PDLIM5: variants seen among roughly 807,000 people sequenced by gnomAD.
The protein encoded by PDLIM5 is PDZ and LIM domain protein 5.
Under a neutral mutation model 64.2 loss-of-function variants are expected in PDLIM5, and 34 were observed. The observed-to-expected ratio is 0.53, with a 90% CI of 0.40 to 0.71. The LOEUF (loss-of-function observed/expected upper bound fraction) is 0.71. PDLIM5 is among the 30% of genes least tolerant of loss of function. The probability of loss-of-function intolerance (pLI) is 0.00; values close to 1 mark genes in which losing one functional copy is unlikely to be tolerated. For synonymous variants in PDLIM5, 253 were observed against 269.1 expected (o/e 0.94, Z 0.59); for missense variants, 683 against 733.6 (o/e 0.93, Z 0.80).
chr4:94,644,952 A>G (rs1015996420), intron 9 of PDLIM5, among the ~76,000 whole-genome samples: 13 of 152,060 alleles, frequency 8.5e-5, no homozygotes, highest in African/African-American at 3.1e-4. Flanking sequence ...TTTGGGGAAC[A>G]GGTAGTATTT....
At chr4:94,555,512 T>C (rs1423672631) in intron 3 of PDLIM5, among the ~76,000 whole-genome samples, 1 of 152,260 alleles carries the variant, frequency 6.6e-6, no homozygotes, top group African/African-American at 2.4e-5. Flanking sequence ...ATTTGTCATC[T>C]AGTAGAATTG....
chr4:94,645,259 T>G (rs2110469414), intron 9 of PDLIM5, among the ~76,000 whole-genome samples: 1 of 152,358 alleles, frequency 6.6e-6, no homozygotes, highest in East Asian at 1.9e-4. Flanking sequence ...TTATTCTTTC[T>G]ATGGCTGAGT....
chr4:94,585,086 G>GT lies in PDLIM5; in HGVS notation c.711-472dup, dbSNP rs1243726801. The stretch of plus-strand genomic sequence containing the variant: ...CAGTTTTTTACTTATAATTTAAAAG[G>GT]TTTTTTTGTTTTGTTTTTTTGTGAA... On this transcript the variant is annotated intron_variant, in intron 5 of 12. Transcript: ENST00000317968. 14 of 752,116 alleles carry GT rather than the reference G, an allele frequency of 1.9e-5. No homozygotes were observed. In the East Asian group the frequency reaches 2.9e-4, roughly 15 times the overall value. The allele number at this position is 752,116 out of a possible 1,614,324, so 46.6% of individuals were successfully genotyped here.
At chr4:94,516,213 A>G (rs1169750728) in intron 2 of PDLIM5, among the ~76,000 whole-genome samples, 4 of 152,250 alleles carry the variant, frequency 2.6e-5, no homozygotes, top group African/African-American at 4.8e-5. Context: ...CCATGGCTAC[A>G]TAAGGAAAAG....
chr4:94,491,762 T>A (rs1032223524), intron 2 of PDLIM5, among the ~76,000 whole-genome samples: 15 of 152,152 alleles, frequency 9.9e-5, no homozygotes, highest in Non-Finnish European at 2.2e-4. Flanking sequence ...CCTTCATTTT[T>A]AAATAATATT....
rs1741449572 is a variant in PDLIM5, at chr4:94,646,794, C to A, written c.1283+6344C>A. Among the ~76,000 whole-genome samples the A allele has an allele frequency of 2.0e-5, 3 of 152,288 alleles. No homozygotes were observed. In the South Asian group the frequency reaches 6.2e-4, roughly 32 times the overall value. ...TGGCACCATGGTATATATTTCTAGT[C>A]TACCCCGTGCTCACACCCGAATGAT... On this transcript the variant is annotated intron_variant, in intron 9 of 12. Transcript: ENST00000317968.
intron 2 of PDLIM5, among the ~76,000 whole-genome samples, chr4:94,480,719 C>T (rs1297257888): frequency 6.6e-6 from 1 of 152,120 alleles, no homozygotes; most frequent in Non-Finnish European, 1.5e-5. Flanking sequence ...TTGGTGGGAC[C>T]TATCCACAAA....
intron 9 of PDLIM5, among the ~76,000 whole-genome samples, chr4:94,648,307 A>G (rs761184061): frequency 6.6e-6 from 1 of 152,078 alleles, no homozygotes. Flanking sequence ...AATGACACTA[A>G]GGTGTCTCAC....
At chr4:94,613,211 A>G (rs996487321) in intron 7 of PDLIM5, among the ~76,000 whole-genome samples, 5 of 152,074 alleles carry the variant, frequency 3.3e-5, no homozygotes, top group African/African-American at 1.2e-4. Flanking sequence ...CCATTTTTTG[A>G]TAAGACTTTA....
At chr4:94,628,550 T>C (rs957831230) in intron 8 of PDLIM5, among the ~76,000 whole-genome samples, 3 of 152,126 alleles carry the variant, frequency 2.0e-5, no homozygotes, top group Non-Finnish European at 2.9e-5. Context: ...TCATTTTTTT[T>C]CCCCTACATG....
At chr4:94,453,689 A>G (rs1293584979) in intron 1 of PDLIM5, among the ~76,000 whole-genome samples, 4 of 152,130 alleles carry the variant, frequency 2.6e-5, no homozygotes, top group South Asian at 2.1e-4. Flanking sequence ...CAGTCCTTCT[A>G]TTAGTTTTCT....
intron 7 of PDLIM5, among the ~76,000 whole-genome samples, chr4:94,605,362 G>A (rs542794117): frequency 1.2e-4 from 18 of 150,760 alleles, no homozygotes; most frequent in Non-Finnish European, 2.2e-4. Flanking sequence ...TGCAGAAATA[G>A]ACACAATGCA....
intron 11 of PDLIM5, 142 bp from the exon 12 acceptor site, chr4:94,662,280 C>A: frequency 2.0e-6 from 1 of 488,904 alleles, no homozygotes; most frequent in Non-Finnish European, 3.7e-6. Flanking sequence ...AATGTTATGC[C>A]ATCTCCTGAA....
chr4:94,616,243 A>G (rs138814221), intron 7 of PDLIM5, among the ~76,000 whole-genome samples: 4 of 152,326 alleles, frequency 2.6e-5, no homozygotes, highest in Middle Eastern at 3.4e-3. Context: ...TGACCTCTAT[A>G]TAAGTATTTC....
Position 94,559,708 on chromosome 4 carries a change from A to T in PDLIM5, c.249-13643A>T, listed in dbSNP as rs116066024. ...TATGGATCTCAACATTAATTGTGGT[A>T]TGCAGCTCACCCACAGCCTTGGGTG... On this transcript the variant is annotated intron_variant, in intron 3 of 12. Transcript: ENST00000317968. 4.1e-3 allele frequency among the ~76,000 whole-genome samples: 618 copies of T among 152,176 alleles called. 5 individuals are homozygous for T. The highest frequency in any genetic ancestry group is 0.014 in the African/African-American group (581 of 41,518).
intron 8 of PDLIM5, among the ~76,000 whole-genome samples, chr4:94,626,449 A>G (rs1267163277): frequency 1.3e-5 from 2 of 152,136 alleles, no homozygotes; most frequent in Non-Finnish European, 2.9e-5. Context: ...AGCTGTTTTG[A>G]CTCTGAATAC....
In PDLIM5 at chr4:94,468,505, A is replaced by G. The variant is rs184548440; in HGVS notation, c.96+13121A>G. On this transcript the variant is annotated intron_variant, in intron 2 of 12. Coordinates refer to ENST00000317968, the MANE Select transcript of PDLIM5 (RefSeq NM_006457.5). ...TGTTTAAGAGAAGACATAAAAAGGA[A>G]AGAAAACTAAACCTAGTCTGTGCTC... 2.2e-3 allele frequency among the ~76,000 whole-genome samples: 339 copies of G among 152,294 alleles called. 2 individuals carry two copies. Among genetic ancestry groups the G allele is most frequent in the African/African-American group, 7.8e-3 (324 of 41,570 alleles).
At chr4:94,645,581 A>G (rs1008969113) in intron 9 of PDLIM5, among the ~76,000 whole-genome samples, 18 of 152,196 alleles carry the variant, frequency 1.2e-4, no homozygotes, top group Admixed American at 9.2e-4. Flanking sequence ...TGAGGGTCCT[A>G]TAATGAACCA....
At chr4:94,468,196 C>G (rs1378822330) in intron 2 of PDLIM5, among the ~76,000 whole-genome samples, 3 of 152,072 alleles carry the variant, frequency 2.0e-5, no homozygotes, top group Middle Eastern at 3.4e-3. Context: ...CTCTGTCACT[C>G]AGGTGGAGTG....
Sources: gnomAD v4.1 joint callset for allele counts (sites outside exome capture counted in the v4.1 genomes callset) on GRCh38, gnomAD v4.1.1 for gene constraint, MANE v1.5 for transcripts, NCBI Gene and HGNC (gene_info 2026-07-23, HGNC 2026-07-21) for gene names.